ADAMTS19: variants seen among roughly 807,000 people sequenced by gnomAD.
The protein encoded by ADAMTS19 is A disintegrin and metalloproteinase with thrombospondin motifs 19.
Under a neutral mutation model 153.3 loss-of-function variants are expected in ADAMTS19, and 93 were observed. The observed-to-expected ratio is 0.61, with a 90% CI of 0.51 to 0.72. The LOEUF (loss-of-function observed/expected upper bound fraction) is 0.72. Among genes scored for constraint, ADAMTS19 ranks in the 30% least tolerant of loss-of-function variants. The probability of loss-of-function intolerance (pLI) is 0.00; values close to 1 mark genes in which losing one functional copy is unlikely to be tolerated. For synonymous variants in ADAMTS19, 600 were observed against 556.6 expected (o/e 1.08, Z -1.10); for missense variants, 1,482 against 1,552.1 (o/e 0.95, Z 0.76).
chr5:129,567,424 G>A (rs1443068018), intron 7 of ADAMTS19, among the ~76,000 whole-genome samples: 1 of 152,030 alleles, frequency 6.6e-6, no homozygotes, highest in Non-Finnish European at 1.5e-5. Flanking sequence ...CTAGACTAAA[G>A]CATTTATTAT....
intron 10 of ADAMTS19, among the ~76,000 whole-genome samples, chr5:129,624,126 C>CAA (rs765901844): frequency 0.12 from 3,171 of 26,822 alleles, 595 homozygotes; most frequent in Middle Eastern, 0.17. Context: ...GGCTCAGTCT[C>CAA]AAAAAAAAAA....
At chr5:129,587,338 T>A (rs1415388410) in intron 7 of ADAMTS19, among the ~76,000 whole-genome samples, 5 of 152,086 alleles carry the variant, frequency 3.3e-5, no homozygotes, top group African/African-American at 1.2e-4. Flanking sequence ...GATGTTCTTT[T>A]TTTTTTTTAA....
chr5:129,547,610 A>C (rs7718633), intron 6 of ADAMTS19, among the ~76,000 whole-genome samples: 6 of 149,916 alleles, frequency 4.0e-5, no homozygotes, highest in Non-Finnish European at 8.8e-5. Flanking sequence ...TGAATCTATA[A>C]ATAGATTCAA....
rs1581148066 is a variant in ADAMTS19 at position 129,614,570 on chromosome 5, G to A, written c.1479-6048G>A. Among the ~76,000 whole-genome samples, 3 of 152,080 alleles carry A rather than the reference G, an allele frequency of 2.0e-5. No homozygotes were observed. In the East Asian group the frequency reaches 5.8e-4, roughly 29 times the overall value. ...AAGAGATATTTATGACAAACCCACA[G>A]CCAATATCATACTGAATGGGCAAAA... On this transcript the variant is annotated intron_variant, in intron 8 of 22. Coordinates refer to ENST00000274487, the MANE Select transcript of ADAMTS19 (RefSeq NM_133638.6).
intron 3 of ADAMTS19, 58 bp downstream of exon 3, chr5:129,509,300 T>A: frequency 6.8e-7 from 1 of 1,471,780 alleles, no homozygotes; most frequent in Non-Finnish European, 9.2e-7. Flanking sequence ...ATGACTACTT[T>A]AAAAAAACTC....
At chr5:129,704,773 A>G (rs1756067646) in intron 21 of ADAMTS19, among the ~76,000 whole-genome samples, 1 of 152,146 alleles carries the variant, frequency 6.6e-6, no homozygotes. Flanking sequence ...GAAGAACCAA[A>G]TAAAGGGAAC....
intron 6 of ADAMTS19, among the ~76,000 whole-genome samples, chr5:129,532,445 A>C (rs1275927644): frequency 6.6e-6 from 1 of 152,182 alleles, no homozygotes; most frequent in Non-Finnish European, 1.5e-5. Flanking sequence ...TAAAAATTGA[A>C]AATACTCAAT....
chr5:129,526,651 G>A (rs964120283), intron 4 of ADAMTS19, 195 bp downstream of exon 4: 4 of 500,770 alleles, frequency 8.0e-6, no homozygotes, highest in African/African-American at 2.0e-5. Flanking sequence ...TTCACATCTT[G>A]TAAACCCTTG....
At chr5:129,561,468 G>C (rs576738092) in intron 7 of ADAMTS19, among the ~76,000 whole-genome samples, 1 of 151,834 alleles carries the variant, frequency 6.6e-6, no homozygotes, top group South Asian at 2.1e-4. Flanking sequence ...AGCGGAGCTT[G>C]CAGTGAGCCG....
At chr5:129,672,590 G>T (rs554957941) in intron 16 of ADAMTS19, among the ~76,000 whole-genome samples, 1 of 152,066 alleles carries the variant, frequency 6.6e-6, no homozygotes, top group Non-Finnish European at 1.5e-5. Flanking sequence ...TCATTGTGGT[G>T]GAGAGAGAGA....
intron 8 of ADAMTS19, among the ~76,000 whole-genome samples, chr5:129,603,295 G>A (rs1178579576): frequency 1.3e-5 from 2 of 152,170 alleles, no homozygotes; most frequent in African/African-American, 4.8e-5. Flanking sequence ...TCTTTGGCCT[G>A]AAAGGTGGTC....
chr5:129,667,447 T>C (rs1170816455), intron 16 of ADAMTS19, among the ~76,000 whole-genome samples: 6 of 152,168 alleles, frequency 3.9e-5, no homozygotes, highest in Admixed American at 3.9e-4. Context: ...ATTCTGATCC[T>C]CAATACTGGA....
At chr5:129,493,612 A>G (rs978204674) in intron 2 of ADAMTS19, among the ~76,000 whole-genome samples, 2 of 152,194 alleles carry the variant, frequency 1.3e-5, no homozygotes, top group African/African-American at 4.8e-5. Flanking sequence ...AGAGATTGCT[A>G]GGAAGCATCA....
intron 10 of ADAMTS19, among the ~76,000 whole-genome samples, chr5:129,634,625 G>A (rs1312834950): frequency 2.0e-5 from 3 of 151,818 alleles, no homozygotes; most frequent in Non-Finnish European, 4.4e-5. Context: ...AAACAAGGTT[G>A]CAAACCTACA....
In ADAMTS19 at chr5:129,665,392, TATC is replaced by T. The variant is rs1393439953; in HGVS notation, c.2426-104_2426-102del. ...ATTTTTCTTTACGTAAGTACTGAAA[TATC>T]ATAGCAATAACCAAAACCAAAAGGA... On this transcript the variant is annotated intron_variant, in intron 15 of 22. Transcript: ENST00000274487. 6 of 857,896 alleles carry T rather than the reference TATC, an allele frequency of 7.0e-6. No individual in the cohort carries two copies. The Admixed American group carries it at 1.3e-4, about 18-fold the overall frequency. The allele number at this position is 857,896 out of a possible 1,614,324, so 53.1% of individuals were successfully genotyped here. A position where few individuals can be genotyped will look rare whatever the true frequency, so the allele number is the denominator to read the frequency against.
At chr5:129,725,014 C>T (rs1757149453) in intron 21 of ADAMTS19, among the ~76,000 whole-genome samples, 2 of 152,110 alleles carry the variant, frequency 1.3e-5, no homozygotes, top group African/African-American at 2.4e-5. Context: ...CCCATGCAAG[C>T]TTCTAGTTTC....
chr5:129,694,601 A>G (rs1040635163), intron 18 of ADAMTS19, 119 bp from the exon 19 acceptor site: 4 of 556,590 alleles, frequency 7.2e-6, no homozygotes, highest in Non-Finnish European at 7.7e-6. Flanking sequence ...TAAAATAAAA[A>G]TTTAAATTAT....
At chr5:129,706,505 G>T (rs1756158972) in intron 21 of ADAMTS19, among the ~76,000 whole-genome samples, 1 of 150,930 alleles carries the variant, frequency 6.6e-6, no homozygotes, top group Non-Finnish European at 1.5e-5. Flanking sequence ...GGAGGTGGAG[G>T]TTCCAGTGAG....
chr5:129,652,463 T>A (rs187630933), intron 13 of ADAMTS19, among the ~76,000 whole-genome samples: 1 of 152,330 alleles, frequency 6.6e-6, no homozygotes, highest in East Asian at 1.9e-4. Context: ...ACATACTTTG[T>A]GTGTGCCAAA....
Sources: allele counts gnomAD v4.1 joint callset (sites outside exome capture counted in the v4.1 genomes callset), GRCh38; gene constraint gnomAD v4.1.1; transcripts MANE v1.5; gene names NCBI Gene and HGNC (gene_info 2026-07-23, HGNC 2026-07-21).